The following CFAP299 variants were observed in gnomAD, a reference collection of about 807,000 sequenced individuals.
The protein encoded by CFAP299 is cilia and flagella associated protein 299, also known as cilia- and flagella-associated protein 299.
A neutral mutation model predicts 27.0 loss-of-function variants in CFAP299; 21 were observed. The observed-to-expected ratio is 0.78, with a 90% CI of 0.55 to 1.12. CFAP299 has a LOEUF of 1.12. Among genes scored for constraint, CFAP299 ranks in the 50% most tolerant of loss-of-function variants. The probability of loss-of-function intolerance (pLI) is 0.00; values close to 1 mark genes in which losing one functional copy is unlikely to be tolerated. For missense variants in CFAP299, 310 were observed against 276.6 expected (o/e 1.12, Z -0.86); for synonymous variants, 104 against 98.1 (o/e 1.06, Z -0.36).
chr4:80,616,512 G>T (rs1738290810), intron 3 of CFAP299, among the ~76,000 whole-genome samples: 1 of 151,422 alleles, frequency 6.6e-6, no homozygotes, highest in South Asian at 2.1e-4. Context: ...TTTTACAGAT[G>T]AAAAAAAACA....
intron 2 of CFAP299, among the ~76,000 whole-genome samples, chr4:80,541,678 G>T (rs1024188265): frequency 4.6e-5 from 7 of 152,066 alleles, no homozygotes; most frequent in African/African-American, 1.2e-4. Flanking sequence ...CATTCACTTT[G>T]CTACTTATTG....
At chr4:80,344,202 T>A (rs1722610756) in intron 1 of CFAP299, among the ~76,000 whole-genome samples, 1 of 150,308 alleles carries the variant, frequency 6.7e-6, no homozygotes, top group Admixed American at 6.6e-5. Context: ...AATCAACAAA[T>A]CCAGGAACTA....
At chr4:80,841,946 G>A (rs1360275320) in intron 3 of CFAP299, among the ~76,000 whole-genome samples, 1 of 152,070 alleles carries the variant, frequency 6.6e-6, no homozygotes, top group Admixed American at 6.6e-5. Context: ...AGGCCAAGAG[G>A]AAACAGCCTA....
intron 4 of CFAP299, among the ~76,000 whole-genome samples, chr4:80,943,541 T>C (rs1737305117): frequency 6.6e-6 from 1 of 152,090 alleles, no homozygotes; most frequent in Non-Finnish European, 1.5e-5. Flanking sequence ...GCACCCTGGT[T>C]TGTGTTATTT....
Position 80,406,985 on chromosome 4 carries a change from T to A in CFAP299, c.242+44101T>A, listed in dbSNP as rs557929712. On this transcript the variant is annotated intron_variant, in intron 2 of 5. Transcript: ENST00000358105. ...AATACCATTTCTACATGGTTTTTTT[T>A]AAACCAAAATAGCAAAATTTTATAT... Among the ~76,000 whole-genome samples, 27 of 152,254 alleles carry A rather than the reference T, an allele frequency of 1.8e-4. No individual in the cohort carries two copies. The South Asian group carries it at 5.0e-3, about 28-fold the overall frequency.
chr4:80,475,091 G>T (rs1730208854), intron 2 of CFAP299, among the ~76,000 whole-genome samples: 1 of 152,124 alleles, frequency 6.6e-6, no homozygotes, highest in Non-Finnish European at 1.5e-5. Context: ...AGTGTGGCCT[G>T]TTGGGGGGTA....
intron 2 of CFAP299, among the ~76,000 whole-genome samples, chr4:80,441,994 C>G (rs572148554): frequency 6.6e-6 from 1 of 152,266 alleles, no homozygotes; most frequent in East Asian, 1.9e-4. Context: ...ATCAATGCAA[C>G]AAGAATAGCT....
At chr4:80,482,354 G>T (rs1336093878) in intron 2 of CFAP299, among the ~76,000 whole-genome samples, 1 of 151,944 alleles carries the variant, frequency 6.6e-6, no homozygotes. Context: ...CACCCATAAA[G>T]TATTCTTTTT....
intron 3 of CFAP299, among the ~76,000 whole-genome samples, chr4:80,624,041 G>A (rs566911511): frequency 9.9e-5 from 15 of 152,192 alleles, no homozygotes; most frequent in African/African-American, 2.9e-4. Flanking sequence ...TGCTAAGGCT[G>A]GAATAAGTAC....
chr4:80,546,082 T>C lies in CFAP299; in HGVS notation c.243-37011T>C, dbSNP rs555552984. Among the ~76,000 whole-genome samples the C allele has an allele frequency of 3.9e-5, 6 of 152,252 alleles. No homozygotes were observed. The South Asian group carries it at 1.2e-3, about 32-fold the overall frequency. On this transcript the variant is annotated intron_variant, in intron 2 of 5. Transcript: ENST00000358105. Reference sequence around the variant, plus strand: ...TGAGAAACCCTTAACAATTAGTCATTGAAGGAACATATCTCAAAATAATAA... The same window carrying C: ...TGAGAAACCCTTAACAATTAGTCATCGAAGGAACATATCTCAAAATAATAA...
chr4:80,624,994 C>A (rs1041309804), intron 3 of CFAP299, among the ~76,000 whole-genome samples: 2 of 152,008 alleles, frequency 1.3e-5, no homozygotes, highest in Non-Finnish European at 2.9e-5. Flanking sequence ...CTAAAGGGAG[C>A]TCTTCAAGGT....
At chr4:80,860,177 A>G (rs1732226518) in intron 3 of CFAP299, among the ~76,000 whole-genome samples, 1 of 151,996 alleles carries the variant, frequency 6.6e-6, no homozygotes, top group Non-Finnish European at 1.5e-5. Flanking sequence ...TCCATCGCTG[A>G]TACCCTTTCT....
intron 3 of CFAP299, among the ~76,000 whole-genome samples, chr4:80,606,658 A>G (rs1018230909): frequency 1.3e-5 from 2 of 152,068 alleles, no homozygotes; most frequent in Admixed American, 1.3e-4. Context: ...ATGGTATTAG[A>G]CTCTACACGT....
rs535642214 is a variant in CFAP299 at position 80,420,201 on chromosome 4, C to T, written c.242+57317C>T. On this transcript the variant is annotated intron_variant, in intron 2 of 5. Coordinates refer to ENST00000358105, the MANE Select transcript of CFAP299 (RefSeq NM_152770.3). Reference sequence around the variant, plus strand: ...GGGAATAGATGGTAAATGTTTCTTTCGGACTTTTACAGGTGTCAGACTCTC... The same window carrying T: ...GGGAATAGATGGTAAATGTTTCTTTTGGACTTTTACAGGTGTCAGACTCTC... 228 of 455,964 alleles carry T rather than the reference C, an allele frequency of 5.0e-4. 1 individual carries two copies. Among genetic ancestry groups the T allele is most frequent in the African/African-American group, 4.0e-3 (202 of 50,146 alleles). The allele number at this position is 455,964 out of a possible 1,614,324, so 28.2% of individuals were successfully genotyped here.
intron 2 of CFAP299, among the ~76,000 whole-genome samples, chr4:80,409,477 T>G (rs1726602239): frequency 6.6e-6 from 1 of 152,206 alleles, no homozygotes; most frequent in Non-Finnish European, 1.5e-5. Context: ...TTGCTATTGT[T>G]TGCTCATAAA....
intron 2 of CFAP299, among the ~76,000 whole-genome samples, chr4:80,558,358 G>GTTTTTTTTTTTTTTTTTTTTTTTT (rs1174909337): frequency 3.3e-5 from 4 of 121,680 alleles, no homozygotes; most frequent in African/African-American, 1.3e-4. Flanking sequence ...TTGTTTGTTT[G>GTTTTTTTTTTTTTTTTTTTTTTTT]TTTGTTTGTT....
At chr4:80,869,943 T>TA (rs1159687686) in intron 3 of CFAP299, 50 bp from the exon 4 acceptor site, 2 of 1,535,918 alleles carry the variant, frequency 1.3e-6, no homozygotes, top group Admixed American at 1.9e-5. Flanking sequence ...CATTCCATAA[T>TA]AAATCAGCTC....
intron 3 of CFAP299, among the ~76,000 whole-genome samples, chr4:80,613,264 G>A (rs896182702): frequency 3.9e-5 from 6 of 152,054 alleles, no homozygotes; most frequent in Admixed American, 3.3e-4. Context: ...ATTTTAGAAA[G>A]AGTCCATAGA....
intron 3 of CFAP299, among the ~76,000 whole-genome samples, chr4:80,806,287 G>A (rs1490522439): frequency 1.3e-5 from 2 of 152,050 alleles, no homozygotes; most frequent in Non-Finnish European, 2.9e-5. Flanking sequence ...AAGATACTTT[G>A]CTTGCTTTTT....
Sources: allele counts gnomAD v4.1 joint callset (sites outside exome capture counted in the v4.1 genomes callset), GRCh38; gene constraint gnomAD v4.1.1; transcripts MANE v1.5; gene names NCBI Gene and HGNC (gene_info 2026-07-23, HGNC 2026-07-21).